COL24A1: variants seen among roughly 807,000 people sequenced by gnomAD.
The protein encoded by COL24A1 is collagen alpha-1(XXIV) chain.
In COL24A1, 224 loss-of-function variants were observed where a neutral mutation model predicts 253.9. The ratio of observed to expected loss-of-function variants is 0.88; its 90% confidence interval spans 0.79 to 0.99. The LOEUF (loss-of-function observed/expected upper bound fraction) is 0.99, where lower values mean the gene tolerates loss of function less well. COL24A1 is among the 50% of genes least tolerant of loss of function. The pLI is 0.00. For missense variants in COL24A1, 2,131 were observed against 2,068.5 expected, an observed-to-expected ratio of 1.03 and a Z score of -0.59; for synonymous variants, 685 against 673.7, an observed-to-expected ratio of 1.02 and a Z score of -0.26.
At chr1:85,915,134 C>T (rs1685769689) in intron 24 of COL24A1, among the ~76,000 whole-genome samples, 1 of 152,196 alleles carries the variant, frequency 6.6e-6, no homozygotes, top group Non-Finnish European at 1.5e-5. Context: ...TGGGTGGGCA[C>T]TGTCCAATCT....
intron 46 of COL24A1, 88 bp downstream of exon 46, chr1:85,817,946 G>T: frequency 9.8e-7 from 1 of 1,022,956 alleles, no homozygotes; most frequent in Non-Finnish European, 1.5e-6. Context: ...CCAACATGAT[G>T]ACACAATTGG....
chr1:86,085,992 A>G (rs1449240600), intron 7 of COL24A1, among the ~76,000 whole-genome samples: 5 of 152,010 alleles, frequency 3.3e-5, no homozygotes, highest in Admixed American at 3.3e-4. Context: ...TTTTACATTA[A>G]TCTTCTCTTT....
rs191618611 is a variant in COL24A1 at position 85,740,070 on chromosome 1, C to T, written c.4673-2565G>A. Among the ~76,000 whole-genome samples, 301 of 152,254 alleles carry T rather than the reference C, an allele frequency of 2.0e-3. 1 individual carries two copies. The highest frequency in any genetic ancestry group is 2.1e-3 in the Non-Finnish European group (142 of 68,020). On this transcript the variant is annotated intron_variant, in intron 57 of 59. Coordinates refer to ENST00000370571, the MANE Select transcript of COL24A1 (RefSeq NM_152890.7). ...TTTACTATAGTAATGTCCTTATAAA[C>T]TTCCTTACACCCTTGCCCTGCCTCA...
intron 43 of COL24A1, among the ~76,000 whole-genome samples, chr1:85,828,962 CATT>C (rs1291765861): frequency 6.6e-6 from 1 of 151,476 alleles, no homozygotes; most frequent in Non-Finnish European, 1.5e-5. Context: ...TTGATCCTGT[CATT>C]ATGCTGTTAG....
chr1:85,766,144 T>C (rs1289183107), intron 53 of COL24A1, among the ~76,000 whole-genome samples: 1 of 151,622 alleles, frequency 6.6e-6, no homozygotes, highest in Non-Finnish European at 1.5e-5. Context: ...GGTGGGCAGA[T>C]CATCTGAGGC....
chr1:86,134,867 A>G (rs61803677), intron 2 of COL24A1, among the ~76,000 whole-genome samples: 130,833 of 133,466 alleles, frequency 0.98, 64,203 homozygotes, highest in Middle Eastern at 1. Flanking sequence ...TATTAGGTCC[A>G]CTTGGTGCAG....
intron 21 of COL24A1, 30 bp from the exon 22 acceptor site, chr1:85,970,301 A>C (rs759274218): frequency 6.5e-7 from 1 of 1,537,968 alleles, no homozygotes; most frequent in Non-Finnish European, 8.8e-7. Context: ...AGAACATATT[A>C]TGGCCTAAAA....
At chr1:85,790,497 C>G (rs140359327) in intron 47 of COL24A1, among the ~76,000 whole-genome samples, 1 of 150,546 alleles carries the variant, frequency 6.6e-6, no homozygotes, top group Non-Finnish European at 1.5e-5. Context: ...TTTCAAAAGA[C>G]CAACTCCTGG....
intron 24 of COL24A1, among the ~76,000 whole-genome samples, chr1:85,941,538 G>A (rs577525610): frequency 1.3e-5 from 2 of 152,218 alleles, no homozygotes; most frequent in East Asian, 1.9e-4. Context: ...AAAACTCTAC[G>A]ATTTTAACAA....
intron 19 of COL24A1, among the ~76,000 whole-genome samples, chr1:85,997,843 GAA>G (rs34765379): frequency 6.6e-6 from 1 of 151,856 alleles, no homozygotes; most frequent in Non-Finnish European, 1.5e-5. Context: ...GAGATATAAG[GAA>G]AAAAAGAGTG....
At chr1:85,806,331 T>G (rs898890821) in intron 47 of COL24A1, among the ~76,000 whole-genome samples, 5 of 152,114 alleles carry the variant, frequency 3.3e-5, no homozygotes, top group African/African-American at 1.2e-4. Flanking sequence ...GCCCACTACA[T>G]ATAAGAACAT....
intron 59 of COL24A1, among the ~76,000 whole-genome samples, 156 bp from the exon 60 acceptor site, chr1:85,730,848 T>C (rs17128149): frequency 0.069 from 10,560 of 152,280 alleles, 428 homozygotes; most frequent in Middle Eastern, 0.088. Context: ...AAAATTACTA[T>C]TATTAGTTGA....
At chr1:85,982,643 T>C (rs1693367700) in intron 20 of COL24A1, among the ~76,000 whole-genome samples, 1 of 151,976 alleles carries the variant, frequency 6.6e-6, no homozygotes, top group Non-Finnish European at 1.5e-5. Context: ...TCATACAGAT[T>C]ATCCTCTCCT....
rs934216794 is a variant in COL24A1 at position 85,761,282 on chromosome 1, A to G, written c.4437+114T>C. 1.5e-5 allele frequency: 18 copies of G among 1,178,882 alleles called. No homozygotes were observed. In the African/African-American group the frequency reaches 2.8e-4, roughly 18 times the overall value. The allele number at this position is 1,178,882 out of a possible 1,614,324, so 73.0% of individuals were successfully genotyped here. On this transcript the variant is annotated intron_variant, in intron 55 of 59. Transcript: ENST00000370571. ...GCCCTGTATCAGGTTAGCAAAAAAG[A>G]ACAGAGGTATCCAAAAGGGATACCT...
Position 85,730,430 on chromosome 1 carries a change from G to T in COL24A1, c.*116C>A, listed in dbSNP as rs1397123319. On this transcript the variant is annotated 3_prime_UTR_variant, in exon 60 of 60. Coordinates refer to ENST00000370571, the MANE Select transcript of COL24A1 (RefSeq NM_152890.7). Reference sequence around the variant, plus strand: ...GTCTGTTCTTCCTGAGATTCTTTAAGATTTAGCCAATGCTTTATTACATGC... The same window carrying T: ...GTCTGTTCTTCCTGAGATTCTTTAATATTTAGCCAATGCTTTATTACATGC... 8.9e-7 allele frequency: 1 copy of T among 1,122,058 alleles called. No homozygotes were observed. Among genetic ancestry groups the T allele is most frequent in the Non-Finnish European group, 1.3e-6 (1 of 799,796 alleles). The allele number at this position is 1,122,058 out of a possible 1,614,324, so 69.5% of individuals were successfully genotyped here.
At chr1:86,011,000 T>C (rs1444599078) in intron 19 of COL24A1, among the ~76,000 whole-genome samples, 1 of 151,928 alleles carries the variant, frequency 6.6e-6, no homozygotes, top group African/African-American at 2.4e-5. Flanking sequence ...GTGAGAACAC[T>C]GAAAAAGAAT....
In COL24A1 at chr1:85,849,338, G is replaced by A; in HGVS notation, c.3354+15C>T. On this transcript the variant is annotated intron_variant, in intron 38 of 59. Transcript: ENST00000370571. ...AGAAGAAAGAAAACCTGCATAAGAA[G>A]ATGTAAAAAATTACCTTTTTTCCTG... The A allele has an allele frequency of 6.2e-7, 1 of 1,609,464 alleles. No homozygotes were observed. The highest frequency in any genetic ancestry group is 8.5e-7 in the Non-Finnish European group (1 of 1,176,282).
chr1:86,025,616 G>A (rs1038620630), intron 14 of COL24A1, among the ~76,000 whole-genome samples: 6 of 152,130 alleles, frequency 3.9e-5, no homozygotes, highest in African/African-American at 1.4e-4. Context: ...TGCTGGAAGG[G>A]AACACCTGAG....
intron 18 of COL24A1, among the ~76,000 whole-genome samples, chr1:86,018,481 C>A (rs963759420): frequency 2.0e-5 from 3 of 152,302 alleles, no homozygotes; most frequent in African/African-American, 7.2e-5. Context: ...GCGAGGGGCT[C>A]TCATTGGAGC....
Sources: allele counts gnomAD v4.1 joint callset (sites outside exome capture counted in the v4.1 genomes callset), GRCh38; gene constraint gnomAD v4.1.1; transcripts MANE v1.5; gene names NCBI Gene and HGNC (gene_info 2026-07-23, HGNC 2026-07-21).